ANKRD26: variants seen among roughly 807,000 people sequenced by gnomAD.
ANKRD26 encodes ankyrin repeat domain-containing protein 26.
A neutral mutation model predicts 208.7 loss-of-function variants in ANKRD26; 141 were observed. The ratio of observed to expected loss-of-function variants is 0.68; its 90% CI spans 0.59 to 0.78. ANKRD26 has a LOEUF of 0.78. Ranked by LOEUF, ANKRD26 falls within the 30% of genes least tolerant of loss-of-function variation. The pLI is 0.00. For missense variants in ANKRD26, 1,889 were observed against 1,938.7 expected (o/e 0.97, Z 0.48); for synonymous variants, 636 against 660.4 (o/e 0.96, Z 0.57).
At chr10:26,998,963 G>C (rs1469597697) in intron 4 of ANKRD26, among the ~76,000 whole-genome samples, 5 of 152,228 alleles carry the variant, frequency 3.3e-5, no homozygotes, top group Middle Eastern at 3.4e-3. Flanking sequence ...ACGTGGAGGT[G>C]GGGGAGGCAC....
At chr10:27,010,523 T>C (rs2053062158) in intron 32 of ANKRD26, among the ~76,000 whole-genome samples, 1 of 152,166 alleles carries the variant, frequency 6.6e-6, no homozygotes, top group Non-Finnish European at 1.5e-5. Context: ...TGAGACAGGG[T>C]CTCACTCTGT....
At chr10:26,990,314 A>C (rs188565131), downstream of ANKRD26, among the ~76,000 whole-genome samples, 56 of 152,302 alleles carry the variant, frequency 3.7e-4, no homozygotes, top group East Asian at 9.3e-3. Flanking sequence ...GCTTTGGCGA[A>C]CTTAGAGGCC....
chr10:27,075,737 C>A (rs1021346450), intron 9 of ANKRD26, among the ~76,000 whole-genome samples: 8 of 152,154 alleles, frequency 5.3e-5, no homozygotes, highest in African/African-American at 1.9e-4. Flanking sequence ...AAACTGCACT[C>A]AAGAACAAAT....
At chr10:27,032,999 C>T (rs112408563) in intron 25 of ANKRD26, among the ~76,000 whole-genome samples, 5 of 150,506 alleles carry the variant, frequency 3.3e-5, no homozygotes, top group South Asian at 4.2e-4. Context: ...GGAGTGAGCC[C>T]GGGAGGTGGG....
intron 4 of ANKRD26, among the ~76,000 whole-genome samples, chr10:26,997,062 A>T (rs896928910): frequency 4.0e-5 from 5 of 123,812 alleles, no homozygotes; most frequent in Admixed American, 7.7e-5. Flanking sequence ...ACCTTTTGAT[A>T]AAAAAAAATA....
intron 3 of ANKRD26, 113 bp downstream of exon 3, chr10:27,093,236 T>G (rs763040843): frequency 1.1e-4 from 107 of 993,282 alleles, no homozygotes; most frequent in Admixed American, 4.6e-4. Flanking sequence ...TTTAAAATAC[T>G]TTCAGTCAGG....
intron 32 of ANKRD26, among the ~76,000 whole-genome samples, chr10:27,008,940 A>G (rs2052992303): frequency 6.6e-6 from 1 of 152,104 alleles, no homozygotes; most frequent in African/African-American, 2.4e-5. Context: ...CCTGGGTTCA[A>G]GCAATTCTCC....
chr10:26,968,535 G>A, the ANKRD26 span, among the ~76,000 whole-genome samples: 9 of 152,138 alleles, frequency 5.9e-5, no homozygotes, highest in African/African-American at 1.2e-4. Flanking sequence ...CAGTAGGTAC[G>A]GACAAATTAG....
At chr10:26,970,575 A>G (rs2052128938), downstream of ANKRD26, among the ~76,000 whole-genome samples, 1 of 152,140 alleles carries the variant, frequency 6.6e-6, no homozygotes, top group African/African-American at 2.4e-5. Flanking sequence ...TACTTCCCAT[A>G]CAGCCTGCAG....
chr10:27,062,493 C>T (rs925075071), intron 12 of ANKRD26, among the ~76,000 whole-genome samples: 7 of 152,158 alleles, frequency 4.6e-5, no homozygotes, highest in African/African-American at 1.7e-4. Context: ...TAAACAAGAT[C>T]CCCAGCTGAT....
At chr10:27,014,934 G>C (rs2053240921) in intron 30 of ANKRD26, among the ~76,000 whole-genome samples, 1 of 152,160 alleles carries the variant, frequency 6.6e-6, no homozygotes, top group African/African-American at 2.4e-5. Context: ...GTTTCTACTA[G>C]AGAAGCATTT....
intron 9 of ANKRD26, among the ~76,000 whole-genome samples, chr10:27,069,834 G>C (rs984339132): frequency 6.6e-6 from 1 of 152,126 alleles, no homozygotes; most frequent in African/African-American, 2.4e-5. Context: ...TTCAACATTT[G>C]AGGATGGGTG....
intron 20 of ANKRD26, among the ~76,000 whole-genome samples, chr10:27,042,489 C>A (rs1026750543): frequency 6.6e-6 from 1 of 152,102 alleles, no homozygotes. Flanking sequence ...CGTGGTGGCT[C>A]ACGCCTGTAA....
intron 15 of ANKRD26, among the ~76,000 whole-genome samples, chr10:27,055,498 T>C (rs556312792): frequency 3.4e-4 from 52 of 152,278 alleles, no homozygotes; most frequent in Middle Eastern, 3.4e-3. Context: ...AAAAATTATA[T>C]GATTTATTAC....
At chr10:27,082,244 T>A (rs764148765) in intron 6 of ANKRD26, among the ~76,000 whole-genome samples, 50 of 152,144 alleles carry the variant, frequency 3.3e-4, no homozygotes, top group Non-Finnish European at 1.5e-5. Context: ...AGGTAAATAG[T>A]TTTCACTTAC....
intron 5 of ANKRD26, among the ~76,000 whole-genome samples, chr10:27,084,891 T>A (rs912502649): frequency 4.7e-5 from 7 of 149,794 alleles, no homozygotes; most frequent in East Asian, 4.0e-4. Flanking sequence ...AAAAAAAAAA[T>A]TTCTGTACTT....
chr10:26,997,374 C>T (rs1199394510), intron 4 of ANKRD26, among the ~76,000 whole-genome samples: 1 of 152,136 alleles, frequency 6.6e-6, no homozygotes, highest in Non-Finnish European at 1.5e-5. Flanking sequence ...ATATTAATCT[C>T]TCCCAATTTG....
At chr10:27,093,286 A>C in intron 3 of ANKRD26, 63 bp downstream of exon 3, 1 of 1,487,344 alleles carries the variant, frequency 6.7e-7, no homozygotes, top group Middle Eastern at 1.8e-4. Context: ...TAACCCTTAC[A>C]TATGTCACTG....
chr10:27,049,056 C>T (rs960270045), intron 16 of ANKRD26, 77 bp from the exon 17 acceptor site: 1 of 1,271,074 alleles, frequency 7.9e-7, no homozygotes, highest in South Asian at 1.4e-5. Flanking sequence ...TTGAGTTTAT[C>T]ATTTGACTCA....
Sources: allele counts gnomAD v4.1 joint callset (sites outside exome capture counted in the v4.1 genomes callset), GRCh38; gene constraint gnomAD v4.1.1; transcripts MANE v1.5; gene names NCBI Gene and HGNC (gene_info 2026-07-23, HGNC 2026-07-21).